The following FGF14 variants were observed in gnomAD, a reference collection of about 807,000 sequenced individuals.
The protein encoded by FGF14 is fibroblast growth factor homologous factor 4.
FGF14 carries 5 observed loss-of-function variants against 25.5 expected under a neutral mutation model. That is an observed-to-expected ratio of 0.20 (90% CI 0.10 to 0.41). The LOEUF (loss-of-function observed/expected upper bound fraction) is 0.41, where lower values mean the gene tolerates loss of function less well. Ranked by LOEUF, FGF14 falls within the 10% of genes least tolerant of loss-of-function variation. The pLI, the probability that FGF14 is intolerant of heterozygous loss-of-function variation, is 1.00. For missense variants in FGF14, 222 were observed against 320.1 expected, an observed-to-expected ratio of 0.69 and a Z score of 2.34; for synonymous variants, 138 against 118.3, an observed-to-expected ratio of 1.17 and a Z score of -1.08.
chr13:101,912,776 T>G (rs921904184), intron 1 of FGF14, among the ~76,000 whole-genome samples: 1 of 152,176 alleles, frequency 6.6e-6, no homozygotes, highest in African/African-American at 2.4e-5. Context: ...TTGAAAAGTA[T>G]TTTTATGTCT....
chr13:101,871,606 G>T (rs2045093527), intron 2 of FGF14, among the ~76,000 whole-genome samples: 1 of 151,830 alleles, frequency 6.6e-6, no homozygotes, highest in Admixed American at 6.6e-5. Context: ...GTCCTATTCT[G>T]CTTGTAGTAG....
At chr13:101,878,158 T>G (rs983340787) in intron 1 of FGF14, among the ~76,000 whole-genome samples, 4 of 152,208 alleles carry the variant, frequency 2.6e-5, no homozygotes, top group Non-Finnish European at 5.9e-5. Flanking sequence ...CCTGGGTCAC[T>G]GTGGGTTACC....
intron 1 of FGF14, among the ~76,000 whole-genome samples, chr13:102,249,892 A>G (rs554331931): frequency 6.6e-6 from 1 of 152,292 alleles, no homozygotes; most frequent in East Asian, 1.9e-4. Flanking sequence ...CATGGACTCT[A>G]GAACCAATTA....
intron 1 of FGF14, among the ~76,000 whole-genome samples, chr13:102,333,777 G>T (rs1304621414): frequency 1.3e-5 from 2 of 152,186 alleles, no homozygotes; most frequent in African/African-American, 4.8e-5. Flanking sequence ...AAAGAAAAAA[G>T]AGGTATTTGG....
At chr13:101,790,322 C>T (rs746527086) in intron 3 of FGF14, among the ~76,000 whole-genome samples, 3 of 151,886 alleles carry the variant, frequency 2.0e-5, no homozygotes, top group Non-Finnish European at 4.4e-5. Flanking sequence ...CTAAGCTGTT[C>T]CTAATAATGT....
At chr13:102,382,478 T>A (rs897703923) in intron 1 of FGF14, among the ~76,000 whole-genome samples, 1 of 151,940 alleles carries the variant, frequency 6.6e-6, no homozygotes, top group Admixed American at 6.6e-5. Flanking sequence ...TCATAACAAG[T>A]GTTGACAAAG....
At chr13:102,148,326 G>T (rs1282878727) in intron 1 of FGF14, among the ~76,000 whole-genome samples, 1 of 152,124 alleles carries the variant, frequency 6.6e-6, no homozygotes, top group Admixed American at 6.5e-5. Context: ...TTATATACAA[G>T]AATTTTTGAG....
At chr13:102,185,810 G>A (rs960722985) in intron 1 of FGF14, among the ~76,000 whole-genome samples, 12 of 152,126 alleles carry the variant, frequency 7.9e-5, no homozygotes, top group South Asian at 4.1e-4. Context: ...GTGTGGAGCT[G>A]AGATGACATC....
At chr13:101,839,564 T>A (rs1443880804) in intron 3 of FGF14, among the ~76,000 whole-genome samples, 1 of 152,006 alleles carries the variant, frequency 6.6e-6, no homozygotes, top group Non-Finnish European at 1.5e-5. Flanking sequence ...AGTAGATGTA[T>A]ATATTTATGG....
chr13:101,788,152 G>A (rs999044855), intron 3 of FGF14, among the ~76,000 whole-genome samples: 25 of 152,118 alleles, frequency 1.6e-4, no homozygotes, highest in Non-Finnish European at 2.6e-4. Flanking sequence ...GATGACAGGC[G>A]TGAGCCACCA....
intron 3 of FGF14, among the ~76,000 whole-genome samples, chr13:101,822,178 T>A (rs1179951860): frequency 6.6e-6 from 1 of 152,198 alleles, no homozygotes; most frequent in Non-Finnish European, 1.5e-5. Context: ...TGTATGTACA[T>A]ATAATAGGTG....
chr13:102,052,534 G>T (rs116505889), intron 1 of FGF14, among the ~76,000 whole-genome samples: 2,318 of 149,880 alleles, frequency 0.015, 53 homozygotes, highest in African/African-American at 0.055. Context: ...AGTAACAAGA[G>T]AAAAAAAAGC....
chr13:101,871,061 C>T (rs1228523418), intron 2 of FGF14, among the ~76,000 whole-genome samples: 1 of 152,060 alleles, frequency 6.6e-6, no homozygotes. Context: ...CTTATGTACA[C>T]TAAAATGTGG....
intron 3 of FGF14, among the ~76,000 whole-genome samples, chr13:101,750,311 T>C (rs531872422): frequency 6.6e-6 from 1 of 152,138 alleles, no homozygotes; most frequent in East Asian, 1.9e-4. Flanking sequence ...AATGGAACAT[T>C]CCAGACTTAC....
chr13:101,826,885 T>C (rs552320756), intron 3 of FGF14, among the ~76,000 whole-genome samples: 4 of 152,094 alleles, frequency 2.6e-5, no homozygotes, highest in African/African-American at 9.6e-5. Flanking sequence ...CATGTAGGAC[T>C]TCAAAATATT....
rs143910115 is a variant in FGF14, at chr13:101,975,547, C to T, written c.209-100251G>A. 9.8e-5 allele frequency among the ~76,000 whole-genome samples: 15 copies of T among 152,288 alleles called. No homozygotes were observed. The East Asian group carries it at 2.5e-3, about 26-fold the overall frequency. ...CAACTCCCTCTGTTACATGGTTTAC[C>T]TGCTTAAACACAGGGCTGTGTCTTA... On this transcript the variant is annotated intron_variant, in intron 1 of 4. Coordinates refer to the FGF14 transcript ENST00000376131.
chr13:102,313,873 A>T (rs2055891896), intron 1 of FGF14, among the ~76,000 whole-genome samples: 1 of 152,202 alleles, frequency 6.6e-6, no homozygotes, highest in African/African-American at 2.4e-5. Context: ...GTAGTACTAG[A>T]CGTTCAAGAC....
At chr13:102,258,996 A>G (rs760137447) in intron 1 of FGF14, among the ~76,000 whole-genome samples, 2 of 152,188 alleles carry the variant, frequency 1.3e-5, no homozygotes, top group East Asian at 3.9e-4. Flanking sequence ...TAGAGAAAAA[A>G]TTAATATTCT....
At chr13:102,102,683 T>C (rs1056210356) in intron 1 of FGF14, among the ~76,000 whole-genome samples, 1 of 152,240 alleles carries the variant, frequency 6.6e-6, no homozygotes, top group Non-Finnish European at 1.5e-5. Context: ...CCACTACTGA[T>C]AGTTTGAATA....
Sources: allele counts gnomAD v4.1 joint callset (sites outside exome capture counted in the v4.1 genomes callset), GRCh38; gene constraint gnomAD v4.1.1; transcripts MANE v1.5; gene names NCBI Gene and HGNC (gene_info 2026-07-23, HGNC 2026-07-21).